The following HS6ST3 variants were observed in gnomAD, a reference collection of about 807,000 sequenced individuals.
The protein encoded by HS6ST3 is heparan sulfate 6-O-sulfotransferase 3.
HS6ST3 carries 12 observed loss-of-function variants against 36.7 expected under a neutral mutation model. The ratio of observed to expected loss-of-function variants is 0.33; its 90% confidence interval spans 0.21 to 0.53. The LOEUF is 0.53. Ranked by LOEUF, HS6ST3 falls within the 20% of genes least tolerant of loss-of-function variation. HS6ST3 has a pLI of 0.95. For synonymous variants in HS6ST3, 240 were observed against 257.5 expected, an observed-to-expected ratio of 0.93 and a Z score of 0.65; for missense variants, 584 against 640.9, an observed-to-expected ratio of 0.91 and a Z score of 0.96.
intron 1 of HS6ST3, among the ~76,000 whole-genome samples, chr13:96,439,109 G>A (rs1016195843): frequency 6.6e-6 from 1 of 151,968 alleles, no homozygotes; most frequent in Non-Finnish European, 1.5e-5. Flanking sequence ...ATATGTGGCC[G>A]CTAGAGATCA....
At chr13:96,175,357 AG>A (rs1285734640) in intron 1 of HS6ST3, among the ~76,000 whole-genome samples, 1 of 124,320 alleles carries the variant, frequency 8.0e-6, no homozygotes, top group Non-Finnish European at 1.9e-5. Context: ...CTTTTGTAAC[AG>A]TTTTTTTTTT....
intron 1 of HS6ST3, among the ~76,000 whole-genome samples, chr13:96,737,618 C>T (rs1478154539): frequency 9.4e-6 from 1 of 106,132 alleles, no homozygotes; most frequent in Non-Finnish European, 1.7e-5. Context: ...GGCGACAGAG[C>T]GAGACTCCGT....
intron 1 of HS6ST3, among the ~76,000 whole-genome samples, chr13:96,771,687 C>T (rs1211246668): frequency 6.6e-6 from 1 of 152,166 alleles, no homozygotes; most frequent in Non-Finnish European, 1.5e-5. Flanking sequence ...TCCTGTGACA[C>T]AGCAGGCATT....
chr13:96,750,476 G>A (rs1021257269), intron 1 of HS6ST3, among the ~76,000 whole-genome samples: 5 of 152,222 alleles, frequency 3.3e-5, no homozygotes, highest in African/African-American at 7.2e-5. Flanking sequence ...AAAGGCATAA[G>A]CCATATACCT....
chr13:96,581,097 A>T lies in HS6ST3; in HGVS notation c.708-251393A>T, dbSNP rs115824355. Among the ~76,000 whole-genome samples the T allele has an allele frequency of 5.8e-3, 878 of 152,310 alleles. 5 individuals are homozygous for T. Among genetic ancestry groups the T allele is most frequent in the African/African-American group, 0.02 (830 of 41,550 alleles). On this transcript the variant is annotated intron_variant, in intron 1 of 1. Coordinates refer to ENST00000376705, the MANE Select transcript of HS6ST3 (RefSeq NM_153456.4). ...ATACATGCTTTTTTGATTAGTTGAT[A>T]ACAGGGAAAATTACAAGTTTCAAAC... is the stretch of plus-strand genomic sequence containing the variant.
intron 1 of HS6ST3, among the ~76,000 whole-genome samples, chr13:96,686,326 T>TCC (rs979072952): frequency 2.6e-5 from 4 of 151,776 alleles, no homozygotes; most frequent in Non-Finnish European, 4.4e-5. Context: ...AATGTATTCA[T>TCC]CCCCCCCACT....
At chr13:96,818,163 C>T (rs1217081062) in intron 1 of HS6ST3, among the ~76,000 whole-genome samples, 1 of 152,184 alleles carries the variant, frequency 6.6e-6, no homozygotes, top group Non-Finnish European at 1.5e-5. Flanking sequence ...GAAGAGAACA[C>T]CCAAGGCAAA....
intron 1 of HS6ST3, among the ~76,000 whole-genome samples, chr13:96,195,181 A>G (rs907305755): frequency 2.0e-5 from 3 of 152,208 alleles, no homozygotes; most frequent in Non-Finnish European, 4.4e-5. Context: ...AAAACGGGAA[A>G]CAAAAATAGC....
At chr13:96,357,769 GC>G (rs2055217200) in intron 1 of HS6ST3, among the ~76,000 whole-genome samples, 2 of 152,038 alleles carry the variant, frequency 1.3e-5, no homozygotes, top group African/African-American at 2.4e-5. Context: ...CCATCCTCCT[GC>G]CTTGGCCTCT....
chr13:96,612,984 A>C (rs1190660129), intron 1 of HS6ST3, among the ~76,000 whole-genome samples: 2 of 152,106 alleles, frequency 1.3e-5, no homozygotes, highest in Non-Finnish European at 2.9e-5. Context: ...CTCTTCCTGT[A>C]ATCTTCTTCC....
intron 1 of HS6ST3, among the ~76,000 whole-genome samples, chr13:96,483,805 A>C (rs1299210224): frequency 6.6e-6 from 1 of 152,174 alleles, no homozygotes; most frequent in Non-Finnish European, 1.5e-5. Context: ...AGAATGGCTC[A>C]CAAGCAGTCA....
At chr13:96,696,978 G>A (rs1875146109) in intron 1 of HS6ST3, among the ~76,000 whole-genome samples, 1 of 151,990 alleles carries the variant, frequency 6.6e-6, no homozygotes, top group South Asian at 2.1e-4. Context: ...ATTTGAGGAA[G>A]AATGCAGCAC....
At chr13:96,742,286 G>T (rs919307770) in intron 1 of HS6ST3, among the ~76,000 whole-genome samples, 2 of 151,922 alleles carry the variant, frequency 1.3e-5, no homozygotes, top group African/African-American at 4.8e-5. Flanking sequence ...GAAAAAATAG[G>T]AACAATAAAA....
At chr13:96,505,578 G>A (rs1034185468) in intron 1 of HS6ST3, among the ~76,000 whole-genome samples, 2 of 152,094 alleles carry the variant, frequency 1.3e-5, no homozygotes, top group East Asian at 1.9e-4. Context: ...CACTTGGATT[G>A]AAATGAATTG....
At chr13:96,732,990 C>G (rs1876198924) in intron 1 of HS6ST3, among the ~76,000 whole-genome samples, 1 of 152,030 alleles carries the variant, frequency 6.6e-6, no homozygotes, top group African/African-American at 2.4e-5. Flanking sequence ...GATTTTATAT[C>G]CTGCAACTTT....
At chr13:96,261,785 G>T (rs969801279) in intron 1 of HS6ST3, among the ~76,000 whole-genome samples, 5 of 152,088 alleles carry the variant, frequency 3.3e-5, no homozygotes, top group Admixed American at 6.6e-5. Context: ...TAGAGAATAT[G>T]GTCCCTGTTT....
intron 1 of HS6ST3, among the ~76,000 whole-genome samples, chr13:96,765,315 G>A (rs187048409): frequency 0.13 from 20,211 of 151,526 alleles, 1,746 homozygotes; most frequent in Non-Finnish European, 0.19. Context: ...CTCCTGATCT[G>A]CCCTCCTTGG....
intron 1 of HS6ST3, among the ~76,000 whole-genome samples, chr13:96,401,148 G>A (rs2139457344): frequency 6.6e-6 from 1 of 152,198 alleles, no homozygotes; most frequent in African/African-American, 2.4e-5. Context: ...TCCTTCTATT[G>A]GGAGTCTTAA....
At chr13:96,349,243 T>C (rs559491320) in intron 1 of HS6ST3, among the ~76,000 whole-genome samples, 2 of 152,302 alleles carry the variant, frequency 1.3e-5, no homozygotes, top group South Asian at 2.1e-4. Context: ...GCAAAACAAC[T>C]TGTTCTGAAG....
Sources: allele counts gnomAD v4.1 joint callset (sites outside exome capture counted in the v4.1 genomes callset), GRCh38; gene constraint gnomAD v4.1.1; transcripts MANE v1.5; gene names NCBI Gene and HGNC (gene_info 2026-07-23, HGNC 2026-07-21).